DENND5B: variants seen among roughly 807,000 people sequenced by gnomAD.
DENND5B encodes DENN domain containing 5B.
Under a neutral mutation model 140.6 loss-of-function variants are expected in DENND5B, and 34 were observed. That is an observed-to-expected ratio of 0.24 (90% CI 0.18 to 0.32). DENND5B has a LOEUF of 0.32. Among genes scored for constraint, DENND5B ranks in the 10% least tolerant of loss-of-function variants. The probability of loss-of-function intolerance (pLI) is 1.00; values close to 1 mark genes in which losing one functional copy is unlikely to be tolerated. For missense variants in DENND5B, 1,142 were observed against 1,560.2 expected (o/e 0.73, Z 4.52); for synonymous variants, 551 against 562.1 (o/e 0.98, Z 0.28).
At chr12:31,480,708 G>A (rs1423365829) in intron 2 of DENND5B, among the ~76,000 whole-genome samples, 1 of 152,136 alleles carries the variant, frequency 6.6e-6, no homozygotes, top group African/African-American at 2.4e-5. Flanking sequence ...ATTTAATACA[G>A]GGAAATAGGA....
intron 3 of DENND5B, among the ~76,000 whole-genome samples, chr12:31,470,156 C>A (rs1270316896): frequency 7.0e-6 from 1 of 143,650 alleles, no homozygotes; most frequent in East Asian, 2.1e-4. Flanking sequence ...CCCTTGTTAC[C>A]CAGGCTGGAG....
At chr12:31,552,782 T>C (rs1266498227) in intron 1 of DENND5B, among the ~76,000 whole-genome samples, 1 of 152,224 alleles carries the variant, frequency 6.6e-6, no homozygotes, top group Non-Finnish European at 1.5e-5. Context: ...AACTTCTTCC[T>C]GGTTTAGTCT....
intron 1 of DENND5B, among the ~76,000 whole-genome samples, chr12:31,575,648 T>G (rs1319584834): frequency 3.3e-5 from 5 of 151,956 alleles, no homozygotes; most frequent in Non-Finnish European, 7.4e-5. Flanking sequence ...CGAAAAGATG[T>G]GAGATATAAG....
intron 1 of DENND5B, 125 bp from the exon 2 acceptor site, chr12:31,496,044 C>A: frequency 1.7e-6 from 1 of 591,804 alleles, no homozygotes; most frequent in Non-Finnish European, 2.8e-6. Context: ...CTGCCTCTAA[C>A]CATCTGTATT....
At position 31,450,168 on chromosome 12, in the gene DENND5B, G is replaced by C. The variant is rs573055038; in HGVS notation, c.1629+1772C>G. Among the ~76,000 whole-genome samples, 3 of 152,276 alleles carry C rather than the reference G, an allele frequency of 2.0e-5. No homozygotes were observed. The South Asian group carries it at 6.2e-4, about 32-fold the overall frequency. On this transcript the variant is annotated intron_variant, in intron 5 of 20. Coordinates refer to ENST00000389082, the MANE Select transcript of DENND5B (RefSeq NM_144973.4). ...AGTTTTCTCAAACGTAAGTGCATCA[G>C]GATGCTTTTGTAGTTCATAAATGTA...
At chr12:31,477,768 G>A (rs1018371146) in intron 3 of DENND5B, 4 of 192,492 alleles carry the variant, frequency 2.1e-5, no homozygotes, top group Admixed American at 5.6e-5. Flanking sequence ...TAATAAAGAT[G>A]CTCAGATTAG....
intron 1 of DENND5B, among the ~76,000 whole-genome samples, chr12:31,550,691 A>C (rs1949021842): frequency 6.6e-6 from 1 of 152,166 alleles, no homozygotes; most frequent in South Asian, 2.1e-4. Context: ...ACAGTGTAAA[A>C]GTGTTCCTAT....
At chr12:31,478,886 G>A (rs978666735) in intron 3 of DENND5B, among the ~76,000 whole-genome samples, 3 of 152,136 alleles carry the variant, frequency 2.0e-5, no homozygotes, top group African/African-American at 7.2e-5. Flanking sequence ...CTTCACAAAT[G>A]TACTGGTAAA....
rs1165409630 is a variant in DENND5B, at chr12:31,423,594, T to C, written c.2470+3A>G. On this transcript the variant is annotated splice_donor_region_variant and intron_variant, in intron 11 of 20. Coordinates refer to ENST00000389082, the MANE Select transcript of DENND5B (RefSeq NM_144973.4). ...TGCTAGTTCTTTACCAATGATGTCA[T>C]ACCTGGTGATTCTGCAAGGTGCTCT... is the stretch of plus-strand genomic sequence containing the variant. 2 of 1,613,714 alleles carry C rather than the reference T, an allele frequency of 1.2e-6. No homozygotes were observed. Among genetic ancestry groups the C allele is most frequent in the Non-Finnish European group, 1.7e-6 (2 of 1,179,790 alleles).
At chr12:31,561,181 C>T (rs1949462315) in intron 1 of DENND5B, among the ~76,000 whole-genome samples, 1 of 152,204 alleles carries the variant, frequency 6.6e-6, no homozygotes, top group Admixed American at 6.5e-5. Flanking sequence ...CACAGATACA[C>T]AGCTGCACCA....
chr12:31,526,877 T>C (rs140955077), intron 1 of DENND5B, among the ~76,000 whole-genome samples: 22 of 152,228 alleles, frequency 1.4e-4, no homozygotes, highest in African/African-American at 5.3e-4. Context: ...CAAAATACTG[T>C]TGTGACTCTA....
intron 2 of DENND5B, among the ~76,000 whole-genome samples, chr12:31,490,378 G>A (rs894819857): frequency 2.6e-5 from 4 of 152,076 alleles, no homozygotes; most frequent in Non-Finnish European, 4.4e-5. Context: ...CTGAGAGGCC[G>A]AGGTGGGCAG....
intron 2 of DENND5B, among the ~76,000 whole-genome samples, chr12:31,490,281 G>T (rs1946475736): frequency 6.6e-6 from 1 of 152,048 alleles, no homozygotes. Flanking sequence ...TTCCAGCAAT[G>T]GTCCTCCAGC....
chr12:31,563,672 A>G (rs1180600881), intron 1 of DENND5B, among the ~76,000 whole-genome samples: 1 of 152,208 alleles, frequency 6.6e-6, no homozygotes. Flanking sequence ...TTAAAAATAA[A>G]AGGATTATTT....
At chr12:31,433,008 C>A in intron 8 of DENND5B, 147 bp downstream of exon 8, 1 of 647,260 alleles carries the variant, frequency 1.5e-6, no homozygotes. Context: ...GCTATATGTC[C>A]GTACAAAAGG....
At chr12:31,584,097 C>T (rs908301861) in intron 1 of DENND5B, among the ~76,000 whole-genome samples, 4 of 152,162 alleles carry the variant, frequency 2.6e-5, no homozygotes, top group African/African-American at 9.7e-5. Flanking sequence ...TTTTATTACT[C>T]TGAGAGTATC....
In DENND5B at chr12:31,433,231, C is replaced by T; in HGVS notation, c.2030G>A (p.Ser677Asn). The T allele has an allele frequency of 1.9e-6, 3 of 1,610,132 alleles. No homozygotes were observed. The highest frequency in any genetic ancestry group is 2.5e-6 in the Non-Finnish European group (3 of 1,178,822). ...TTCTTTCCTGCGCTGTGCAGTGGCA[C>T]TCCGACTTACCCAGCGACTGAAACA... ...PTSNNRWVSR[S>N]ATAQRRKERL... The change falls in exon 8 of 21, where the codon AGT becomes AAT. Residue 677 changes from serine (S) to asparagine (N), a missense_variant. Coordinates refer to ENST00000389082, the MANE Select transcript of DENND5B (RefSeq NM_144973.4).
At chr12:31,410,659 C>G (rs546868171) in intron 13 of DENND5B, among the ~76,000 whole-genome samples, 1 of 152,230 alleles carries the variant, frequency 6.6e-6, no homozygotes, top group South Asian at 2.1e-4. Context: ...CCCACTTTGG[C>G]CTCTCAAAGT....
chr12:31,480,720 A>G (rs1350556007), intron 2 of DENND5B, among the ~76,000 whole-genome samples: 1 of 152,254 alleles, frequency 6.6e-6, no homozygotes, highest in Non-Finnish European at 1.5e-5. Context: ...GAAATAGGAA[A>G]AGGCTCATTT....
Sources: gnomAD v4.1 joint callset for allele counts (sites outside exome capture counted in the v4.1 genomes callset) on GRCh38, gnomAD v4.1.1 for gene constraint, MANE v1.5 for transcripts, NCBI Gene and HGNC (gene_info 2026-07-23, HGNC 2026-07-21) for gene names.